The following HERC4 variants were observed in gnomAD, a reference collection of about 807,000 sequenced individuals.
HERC4 encodes probable E3 ubiquitin-protein ligase HERC4.
A neutral mutation model predicts 124.3 loss-of-function variants in HERC4; 28 were observed. The observed-to-expected ratio is 0.23, with a 90% confidence interval of 0.17 to 0.31. HERC4 has a LOEUF of 0.31. Ranked by LOEUF, HERC4 falls within the 10% of genes least tolerant of loss-of-function variation. The probability of loss-of-function intolerance (pLI) is 1.00; values close to 1 mark genes in which losing one functional copy is unlikely to be tolerated. For missense variants in HERC4, 713 were observed against 1,229.3 expected, an observed-to-expected ratio of 0.58 and a Z score of 6.28; for synonymous variants, 407 against 421.5, an observed-to-expected ratio of 0.97 and a Z score of 0.42.
intron 16 of HERC4, chr10:67,965,676 G>A (rs1589200700): frequency 6.6e-6 from 1 of 152,212 alleles, no homozygotes; most frequent in African/African-American, 2.4e-5. Context: ...TCTAGACACT[G>A]TCAGAGGTGC....
rs1374966682 is a variant in HERC4, at chr10:67,997,448, A to C, written c.1070-4766T>G. On this transcript the variant is annotated intron_variant, in intron 9 of 24. Coordinates refer to ENST00000373700, the MANE Select transcript of HERC4 (RefSeq NM_015601.4). ...ATTTATTTTTATTTATTGTCACCGT[A>C]GTAAAATAGGTAACTAAGTATTATT... 2.6e-5 allele frequency among the ~76,000 whole-genome samples: 4 copies of C among 152,214 alleles called. No individual in the cohort carries two copies. The East Asian group carries it at 5.8e-4, about 22-fold the overall frequency.
intron 15 of HERC4, among the ~76,000 whole-genome samples, chr10:67,981,060 T>C (rs180849924): frequency 1.9e-4 from 29 of 152,138 alleles, no homozygotes; most frequent in African/African-American, 7.0e-4. Context: ...ATCAATAACA[T>C]TGGATGTAAA....
intron 3 of HERC4, among the ~76,000 whole-genome samples, chr10:68,053,555 T>A (rs1329085597): frequency 4.6e-5 from 7 of 152,140 alleles, no homozygotes; most frequent in Non-Finnish European, 1.0e-4. Context: ...CCTCCCAAAG[T>A]GCTGGGATTA....
At chr10:68,025,234 A>G (rs1012236410) in intron 8 of HERC4, among the ~76,000 whole-genome samples, 1 of 151,794 alleles carries the variant, frequency 6.6e-6, no homozygotes. Context: ...CCAAAAAGGA[A>G]AGAAAAGAAA....
chr10:67,925,230 G>T, intron 23 of HERC4, 43 bp from the exon 24 acceptor site: 1 of 1,102,542 alleles, frequency 9.1e-7, no homozygotes, highest in Non-Finnish European at 1.4e-6. Context: ...GGGACACACT[G>T]GCTAATATAT....
chr10:67,938,286 C>A (rs2032552455), intron 21 of HERC4, among the ~76,000 whole-genome samples: 1 of 151,438 alleles, frequency 6.6e-6, no homozygotes, highest in South Asian at 2.1e-4. Context: ...ACTAAAAATA[C>A]AAAAATTAGC....
At chr10:67,979,793 CG>C (rs2035817933) in intron 15 of HERC4, among the ~76,000 whole-genome samples, 1 of 151,892 alleles carries the variant, frequency 6.6e-6, no homozygotes, top group Non-Finnish European at 1.5e-5. Context: ...AAAAATTAGC[CG>C]GGTGTGGCGG....
chr10:67,976,247 CTCTT>C (rs1413100136), intron 15 of HERC4, among the ~76,000 whole-genome samples: 2 of 152,132 alleles, frequency 1.3e-5, no homozygotes, highest in African/African-American at 4.8e-5. Context: ...ATTAGCCAAA[CTCTT>C]TCTACTAAAA....
At chr10:67,989,637 A>C (rs1370008703) in intron 14 of HERC4, among the ~76,000 whole-genome samples, 1 of 152,064 alleles carries the variant, frequency 6.6e-6, no homozygotes, top group Admixed American at 6.6e-5. Flanking sequence ...GTAGCAAAAA[A>C]AGTATAAAGG....
chr10:68,037,814 G>A (rs1240949150), intron 5 of HERC4, among the ~76,000 whole-genome samples: 6 of 152,102 alleles, frequency 3.9e-5, no homozygotes, highest in Non-Finnish European at 7.4e-5. Context: ...CAAATATACC[G>A]TGTTCTAGAA....
intron 5 of HERC4, among the ~76,000 whole-genome samples, chr10:68,035,370 CT>C (rs1375348169): frequency 6.6e-6 from 1 of 152,082 alleles, no homozygotes; most frequent in Non-Finnish European, 1.5e-5. Context: ...GGTGGCGAGG[CT>C]GGTCTCGAAC....
At chr10:67,968,381 T>C (rs936860878) in intron 15 of HERC4, among the ~76,000 whole-genome samples, 3 of 152,018 alleles carry the variant, frequency 2.0e-5, no homozygotes, top group Non-Finnish European at 4.4e-5. Flanking sequence ...CTACTCCTTT[T>C]TTTTTTTTTG....
At chr10:68,071,485 T>C (rs1341179119) in intron 3 of HERC4, among the ~76,000 whole-genome samples, 2 of 152,240 alleles carry the variant, frequency 1.3e-5, no homozygotes, top group Admixed American at 6.5e-5. Context: ...GTTATTTCTA[T>C]GGGGCATGCT....
At chr10:67,961,774 A>G (rs2034537702) in intron 16 of HERC4, among the ~76,000 whole-genome samples, 1 of 152,188 alleles carries the variant, frequency 6.6e-6, no homozygotes. Flanking sequence ...CTCTCACTAT[A>G]TTAAGTAAAG....
rs117943992 is a variant in HERC4 at position 67,932,248 on chromosome 10, C to T, written c.2838+349G>A. ...CTGGGGTTACAGGTGTAAGCCACCA[C>T]GCCTGGCCTAAGTTATTTTTAGAGA... On this transcript the variant is annotated intron_variant, in intron 23 of 24. Transcript: ENST00000373700. Among the ~76,000 whole-genome samples, 1,237 of 152,278 alleles carry T rather than the reference C, an allele frequency of 8.1e-3. 12 individuals are homozygous for T. The highest frequency in any genetic ancestry group is 0.014 in the Non-Finnish European group (983 of 68,022).
chr10:68,046,170 G>A (rs935002970), intron 3 of HERC4, among the ~76,000 whole-genome samples: 3 of 151,464 alleles, frequency 2.0e-5, no homozygotes, highest in Non-Finnish European at 4.4e-5. Flanking sequence ...AGCATCATTT[G>A]TTTATATCAA....
In HERC4 at chr10:67,984,329, C is replaced by G. The variant is rs527244570; in HGVS notation, c.1806+4334G>C. Among the ~76,000 whole-genome samples, 6 of 151,400 alleles carry G rather than the reference C, an allele frequency of 4.0e-5. No homozygotes were observed. In the East Asian group the frequency reaches 1.2e-3, roughly 29 times the overall value. On this transcript the variant is annotated intron_variant, in intron 15 of 24. Transcript: ENST00000373700. ...AAAAAAAAAAAAAAAGAGTGACATTCCTGTGTCATGTGCAACAACATGGAC... is the reference window on the plus strand; with the variant it reads ...AAAAAAAAAAAAAAAGAGTGACATTGCTGTGTCATGTGCAACAACATGGAC...
intron 9 of HERC4, among the ~76,000 whole-genome samples, chr10:68,004,376 C>A (rs1253823525): frequency 6.6e-6 from 1 of 152,064 alleles, no homozygotes; most frequent in Non-Finnish European, 1.5e-5. Flanking sequence ...GTTTCCTTTG[C>A]TGTGTAGAAG....
At chr10:68,010,938 A>T in intron 9 of HERC4, 1 of 1,120,848 alleles carries the variant, frequency 8.9e-7, no homozygotes, top group South Asian at 1.3e-5. Flanking sequence ...TTCAGGCTTT[A>T]GTTCTAGTTC....
Sources: allele counts gnomAD v4.1 joint callset (sites outside exome capture counted in the v4.1 genomes callset), GRCh38; gene constraint gnomAD v4.1.1; transcripts MANE v1.5; gene names NCBI Gene and HGNC (gene_info 2026-07-23, HGNC 2026-07-21).